Variants in GNG7 observed in about 807,000 individuals in gnomAD.
The protein encoded by GNG7 is guanine nucleotide-binding protein G(I)/G(S)/G(O) subunit gamma-7.
In GNG7, 1 loss-of-function variant was observed where a neutral mutation model predicts 4.0. That is an observed-to-expected ratio of 0.25 (90% CI 0.09 to 1.18). The LOEUF is 1.18. GNG7 is among the 50% of genes most tolerant of loss of function. The pLI, the probability that GNG7 is intolerant of heterozygous loss-of-function variation, is 0.50. For missense variants in GNG7, 86 were observed against 91.9 expected (o/e 0.94, Z 0.26); for synonymous variants, 34 against 36.9 (o/e 0.92, Z 0.29).
chr19:2,604,410 G>T (rs899930193), intron 2 of GNG7, among the ~76,000 whole-genome samples: 2 of 150,376 alleles, frequency 1.3e-5, no homozygotes, highest in Non-Finnish European at 2.9e-5. Context: ...AGTCGAGGCT[G>T]CAGTGAGCTA....
chr19:2,593,118 G>A (rs1196492546), intron 2 of GNG7, among the ~76,000 whole-genome samples: 1 of 152,110 alleles, frequency 6.6e-6, no homozygotes, highest in Non-Finnish European at 1.5e-5. Flanking sequence ...CAACAGCTGA[G>A]GTCACAAAAA....
At chr19:2,649,911 G>A (rs1432944846) in intron 1 of GNG7, among the ~76,000 whole-genome samples, 3 of 150,358 alleles carry the variant, frequency 2.0e-5, no homozygotes, top group South Asian at 2.1e-4. Context: ...CTGACTCTGC[G>A]GATGGGTCTG....
In GNG7 at chr19:2,511,506, G is replaced by T. The variant is rs1013698081; in HGVS notation, c.*3516C>A. ...ATATGGCTTCTGTGCAGAGGGCCTGGCCTCAGGCCGTGGACTTTTTAATAA... is the reference window on the plus strand; with the variant it reads ...ATATGGCTTCTGTGCAGAGGGCCTGTCCTCAGGCCGTGGACTTTTTAATAA... On this transcript the variant is annotated 3_prime_UTR_variant, in exon 5 of 5. Coordinates refer to ENST00000382159, the MANE Select transcript of GNG7 (RefSeq NM_052847.3). This position sits in a 1 kb window ranked among gnomAD's most constrained non-coding sequence, Gnocchi z 6.3. The T allele has an allele frequency of 6.6e-6, 1 of 152,454 alleles. No individual in the cohort carries two copies. Among genetic ancestry groups the T allele is most frequent in the Non-Finnish European group, 1.5e-5 (1 of 68,152 alleles). 9.4% of individuals were successfully genotyped at this position (152,454 alleles called of 1,614,324 possible).
intron 2 of GNG7, among the ~76,000 whole-genome samples, chr19:2,585,708 A>AT (rs112757861): frequency 0.025 from 3,767 of 150,836 alleles, 52 homozygotes; most frequent in Middle Eastern, 0.041. Flanking sequence ...AAATTCAGTA[A>AT]TTTTTTTTTT....
rs924931623 is a variant in GNG7, at chr19:2,562,161, G to T, written c.-77-6973C>A. On this transcript the variant is annotated intron_variant, in intron 2 of 4. Transcript: ENST00000382159. The stretch of plus-strand genomic sequence containing the variant: ...CAGGGGTTTGCAGTAACACCCTTGG[G>T]ATCTGCAGGTTCACACAGAGCCAGA... Among the ~76,000 whole-genome samples the T allele has an allele frequency of 2.6e-5, 4 of 152,186 alleles. No homozygotes were observed. The South Asian group carries it at 8.3e-4, about 31-fold the overall frequency.
At chr19:2,522,471 T>C (rs1014303411) in intron 3 of GNG7, among the ~76,000 whole-genome samples, 6 of 151,770 alleles carry the variant, frequency 4.0e-5, no homozygotes, top group Non-Finnish European at 2.9e-5. Context: ...AATGCCTACT[T>C]AGTGATAAGA....
intron 1 of GNG7, among the ~76,000 whole-genome samples, chr19:2,700,202 C>G (rs553265237): frequency 1.3e-5 from 2 of 150,432 alleles, no homozygotes; most frequent in African/African-American, 4.9e-5. Flanking sequence ...AGTGCAATGG[C>G]GTGATCTTGG....
intron 1 of GNG7, among the ~76,000 whole-genome samples, chr19:2,650,613 C>T (rs1568274224): frequency 6.6e-6 from 1 of 152,334 alleles, no homozygotes; most frequent in African/African-American, 2.4e-5. Context: ...GCGATCCCTG[C>T]GGATGCCCCT....
intron 2 of GNG7, among the ~76,000 whole-genome samples, chr19:2,625,906 G>A (rs1055826259): frequency 1.3e-5 from 2 of 152,116 alleles, no homozygotes; most frequent in African/African-American, 4.8e-5. Flanking sequence ...TCCTGCCTCA[G>A]CCTCCCAAGT....
chr19:2,562,710 C>T lies in GNG7; in HGVS notation c.-77-7522G>A, dbSNP rs894910257. Reference sequence around the variant, plus strand: ...TCAGGGGGGACAGGATCGCTCCCAGCGTACACTGGAATCTTAGGGGATTCC... The same window carrying T: ...TCAGGGGGGACAGGATCGCTCCCAGTGTACACTGGAATCTTAGGGGATTCC... On this transcript the variant is annotated intron_variant, in intron 2 of 4. Coordinates refer to ENST00000382159, the MANE Select transcript of GNG7 (RefSeq NM_052847.3). Among the ~76,000 whole-genome samples, 6 of 152,080 alleles carry T rather than the reference C, an allele frequency of 3.9e-5. No homozygotes were observed. In the East Asian group the frequency reaches 9.7e-4, roughly 24 times the overall value.
chr19:2,596,786 G>A (rs1345674730), intron 2 of GNG7, among the ~76,000 whole-genome samples: 3 of 152,122 alleles, frequency 2.0e-5, no homozygotes, highest in Non-Finnish European at 4.4e-5. Flanking sequence ...TGGGGAGTGA[G>A]ATTTGTGATG....
Position 2,621,623 on chromosome 19 carries a change from G to A in GNG7, c.-78+24601C>T, listed in dbSNP as rs971370898. 6.6e-5 allele frequency among the ~76,000 whole-genome samples: 10 copies of A among 152,050 alleles called. No individual in the cohort carries two copies. In the East Asian group the frequency reaches 1.9e-3, roughly 29 times the overall value. ...GAGGCAGGAGAATTGCTTGAACCTG[G>A]GAGGCAGAGGTTGCAGTGAGCCAAG... On this transcript the variant is annotated intron_variant, in intron 2 of 4. Transcript: ENST00000382159.
chr19:2,594,453 G>A (rs1213140486), intron 2 of GNG7, among the ~76,000 whole-genome samples: 4 of 136,832 alleles, frequency 2.9e-5, no homozygotes, highest in Non-Finnish European at 6.3e-5. Context: ...GAAGGAGGAA[G>A]AAAGAAACTG....
intron 2 of GNG7, among the ~76,000 whole-genome samples, chr19:2,556,080 C>A (rs1979534372): frequency 6.6e-6 from 1 of 152,204 alleles, no homozygotes; most frequent in Non-Finnish European, 1.5e-5. Flanking sequence ...CAAGGAGGCC[C>A]GAGGCAGGCA....
chr19:2,522,591 G>C (rs931628830), intron 3 of GNG7, among the ~76,000 whole-genome samples: 1 of 151,400 alleles, frequency 6.6e-6, no homozygotes, highest in African/African-American at 2.4e-5. Context: ...TGGCTAACAC[G>C]GTGAAACCCC....
At chr19:2,595,455 C>T (rs1980988674) in intron 2 of GNG7, among the ~76,000 whole-genome samples, 1 of 151,712 alleles carries the variant, frequency 6.6e-6, no homozygotes, top group Non-Finnish European at 1.5e-5. Context: ...ATTTAAGGGC[C>T]GAGTGCAGTG....
Position 2,575,610 on chromosome 19 carries a change from GGC to G in GNG7, c.-77-20424_-77-20423del, listed in dbSNP as rs1292707886. On this transcript the variant is annotated intron_variant, in intron 2 of 4. Coordinates refer to ENST00000382159, the MANE Select transcript of GNG7 (RefSeq NM_052847.3). ...ACACGCAGACACGCAGGCACACGCA[GGC>G]ACACACAGACATGCAGGCACACACA... Among the ~76,000 whole-genome samples, 188 of 141,526 alleles carry G rather than the reference GGC, an allele frequency of 1.3e-3. 3 individuals are homozygous for G. Among genetic ancestry groups the G allele is most frequent in the African/African-American group, 4.8e-3 (179 of 37,662 alleles). 92.8% of individuals were successfully genotyped at this position (141,526 alleles called of 152,430 possible).
intron 2 of GNG7, among the ~76,000 whole-genome samples, chr19:2,624,922 G>A (rs1368692561): frequency 1.3e-5 from 2 of 152,238 alleles, no homozygotes; most frequent in Non-Finnish European, 2.9e-5. Context: ...GACAAGGTCA[G>A]CTCAGGGCAC....
chr19:2,543,110 G>T (rs1979017097), intron 3 of GNG7, among the ~76,000 whole-genome samples: 1 of 151,636 alleles, frequency 6.6e-6, no homozygotes, highest in Non-Finnish European at 1.5e-5. Flanking sequence ...GTAGAGACAG[G>T]GTTTCACCAT....
Sources: gnomAD v4.1 joint callset for allele counts (sites outside exome capture counted in the v4.1 genomes callset) on GRCh38, gnomAD v4.1.1 for gene constraint, Gnocchi (gnomAD v3.1) non-coding constraint, MANE v1.5 for transcripts, NCBI Gene and HGNC (gene_info 2026-07-23, HGNC 2026-07-21) for gene names.